BRDT: variants seen among roughly 807,000 people sequenced by gnomAD.
BRDT encodes bromodomain testis associated.
In BRDT, 77 loss-of-function variants were observed where a neutral mutation model predicts 113.9. That is an observed-to-expected ratio of 0.68 (90% CI 0.56 to 0.82). The LOEUF is 0.82. Among genes scored for constraint, BRDT ranks in the 40% least tolerant of loss-of-function variants. BRDT has a pLI of 0.00. For synonymous variants in BRDT, 358 were observed against 366.5 expected (o/e 0.98, Z 0.26); for missense variants, 1,027 against 1,105.4 (o/e 0.93, Z 1.01).
intron 1 of BRDT, among the ~76,000 whole-genome samples, chr1:91,960,506 G>GA (rs1682329726): frequency 6.6e-6 from 1 of 152,192 alleles, no homozygotes; most frequent in African/African-American, 2.4e-5. Flanking sequence ...CATGGCAACA[G>GA]AAAGCAGAAT....
At chr1:91,963,347 G>A (rs1682700362) in intron 2 of BRDT, among the ~76,000 whole-genome samples, 1 of 152,020 alleles carries the variant, frequency 6.6e-6, no homozygotes, top group Non-Finnish European at 1.5e-5. Flanking sequence ...TTTAACAACT[G>A]ATTTATTTAG....
At chr1:91,997,592 C>A (rs1223323609) in intron 15 of BRDT, among the ~76,000 whole-genome samples, 17 of 152,084 alleles carry the variant, frequency 1.1e-4, no homozygotes, top group Admixed American at 1.1e-3. Context: ...TTCTCTTATT[C>A]CTAATTTAAG....
Position 91,980,884 on chromosome 1 carries a change from T to TA in BRDT, c.1461-4dup. 5.6e-6 allele frequency: 9 copies of TA among 1,596,828 alleles called. No homozygotes were observed. Among genetic ancestry groups the TA allele is most frequent in the Non-Finnish European group, 6.8e-6 (8 of 1,174,932 alleles). ...AAGTTGGACTAAATTTAGTTTTTGTTACAGTCAGCCAAAGAAAAGGAAACA... is the reference window on the plus strand; with the variant it reads ...AAGTTGGACTAAATTTAGTTTTTGTTAACAGTCAGCCAAAGAAAAGGAAACA... On this transcript the variant is annotated splice_polypyrimidine_tract_variant and splice_region_variant and intron_variant, in intron 9 of 18. Transcript: ENST00000399546.
chr1:91,962,269 C>A lies in BRDT; in HGVS notation c.-37-449C>A, dbSNP rs200494324. On this transcript the variant is annotated intron_variant, in intron 1 of 18. Coordinates refer to ENST00000399546, the MANE Select transcript of BRDT (RefSeq NM_207189.4). Reference sequence around the variant, plus strand: ...TTTGTATTTGTTTAAAAATTGATTCCTTTGCCATTTGGCTTTTTTTTTTTT... The same window carrying A: ...TTTGTATTTGTTTAAAAATTGATTCATTTGCCATTTGGCTTTTTTTTTTTT... Among the ~76,000 whole-genome samples, 12 of 111,340 alleles carry A rather than the reference C, an allele frequency of 1.1e-4. No homozygotes were observed. The East Asian group carries it at 2.7e-3, about 25-fold the overall frequency. The allele number at this position is 111,340 out of a possible 152,430, so 73.0% of individuals were successfully genotyped here.
chr1:91,978,642 A>C (rs12045408), intron 7 of BRDT, among the ~76,000 whole-genome samples: 3 of 152,158 alleles, frequency 2.0e-5, no homozygotes, highest in South Asian at 4.1e-4. Context: ...TGTCCCACTG[A>C]GGGGACAGTC....
intron 18 of BRDT, among the ~76,000 whole-genome samples, chr1:92,012,539 C>T (rs1687888550): frequency 1.3e-5 from 2 of 152,172 alleles, no homozygotes; most frequent in South Asian, 4.1e-4. Flanking sequence ...TATCCAATGC[C>T]TATATTGGAG....
chr1:91,980,885 ACAGT>A lies in BRDT; in HGVS notation c.1461_1464del (p.Pro489ArgfsTer10). 1 of 1,596,572 alleles carries A rather than the reference ACAGT, an allele frequency of 6.3e-7. No homozygotes were observed. The highest frequency in any genetic ancestry group is 8.5e-7 in the Non-Finnish European group (1 of 1,174,810). On this transcript the variant is annotated splice_acceptor_variant and splice_polypyrimidine_tract_variant and coding_sequence_variant and intron_variant, in exon 10 of 19. Coordinates refer to ENST00000399546, the MANE Select transcript of BRDT (RefSeq NM_207189.4). LOFTEE classifies it high-confidence loss of function. ...AGTTGGACTAAATTTAGTTTTTGTTACAGTCAGCCAAAGAAAAGGAAACAACAGT... is the reference window on the plus strand; with the variant it reads ...AGTTGGACTAAATTTAGTTTTTGTTACAGCCAAAGAAAAGGAAACAACAGT...
At chr1:92,006,782 TTTTTATTTTA>T (rs1304258002) in intron 18 of BRDT, among the ~76,000 whole-genome samples, 3 of 151,856 alleles carry the variant, frequency 2.0e-5, no homozygotes, top group Non-Finnish European at 4.4e-5. Flanking sequence ...TTTATTTTTA[TTTTTATTTTA>T]TTTTATTTTT....
At chr1:91,977,642 G>A (rs887632267) in intron 6 of BRDT, 11 of 245,606 alleles carry the variant, frequency 4.5e-5, no homozygotes, top group African/African-American at 1.1e-4. Flanking sequence ...AGGCCAAGGC[G>A]GGCGGATCAC....
intron 7 of BRDT, 87 bp downstream of exon 7, chr1:91,978,383 T>C (rs1463632207): frequency 1.4e-6 from 2 of 1,466,936 alleles, no homozygotes; most frequent in East Asian, 2.3e-5. Flanking sequence ...AGATAAAGAA[T>C]AATAACTCCT....
At chr1:91,957,953 C>T (rs754085604) in intron 1 of BRDT, among the ~76,000 whole-genome samples, 5 of 152,108 alleles carry the variant, frequency 3.3e-5, no homozygotes, top group Non-Finnish European at 5.9e-5. Context: ...AATTCTTGTG[C>T]CTCAGCCTCC....
At chr1:91,996,285 G>T (rs926082755) in intron 15 of BRDT, among the ~76,000 whole-genome samples, 1 of 152,144 alleles carries the variant, frequency 6.6e-6, no homozygotes, top group African/African-American at 2.4e-5. Flanking sequence ...GTCTCGCCCT[G>T]TTGCCCAGGC....
At chr1:91,967,318 C>T (rs1262406744) in intron 3 of BRDT, among the ~76,000 whole-genome samples, 1 of 151,868 alleles carries the variant, frequency 6.6e-6, no homozygotes, top group South Asian at 2.1e-4. Context: ...CTCACCACAA[C>T]CTCCACCTCC....
rs1157871042 is a variant in BRDT, at chr1:92,004,669, T to A, written c.2594+50T>A. 2.1e-6 allele frequency: 3 copies of A among 1,433,672 alleles called. No individual in the cohort carries two copies. In the South Asian group the frequency reaches 4.3e-5, roughly 21 times the overall value. 88.8% of individuals were successfully genotyped at this position (1,433,672 alleles called of 1,614,324 possible). On this transcript the variant is annotated intron_variant, in intron 17 of 18. Coordinates refer to ENST00000399546, the MANE Select transcript of BRDT (RefSeq NM_207189.4). Reference sequence around the variant, plus strand: ...AGGGTTTGGGAGATATAGAATGTATTTTAAATACATTAAATTTCTTATTTG... The same window carrying A: ...AGGGTTTGGGAGATATAGAATGTATATTAAATACATTAAATTTCTTATTTG...
Position 92,005,127 on chromosome 1 carries a change from G to T in BRDT, c.2603G>T (p.Gly868Val). The T allele has an allele frequency of 6.7e-7, 1 of 1,483,658 alleles. No homozygotes were observed. Among genetic ancestry groups the T allele is most frequent in the Non-Finnish European group, 8.9e-7 (1 of 1,120,914 alleles). The allele number at this position is 1,483,658 out of a possible 1,614,324, so 91.9% of individuals were successfully genotyped here. A position where few individuals can be genotyped will look rare whatever the true frequency, so the allele number is the denominator to read the frequency against. ...TACTTTTTTTCTTTAAGGGATCTTG[G>T]GAATGGATTGACTGTAGAATCTTTT... ...KASQENQRDL[G>V]NGLTVESFSN... is the part of the protein sequence containing the mutation. The change falls in exon 18 of 19, where the codon GGG becomes GTG. Residue 868 changes from glycine (G) to valine (V), a missense_variant. Transcript: ENST00000399546.
At chr1:91,999,088 A>C (rs1429760413) in intron 15 of BRDT, among the ~76,000 whole-genome samples, 1 of 152,140 alleles carries the variant, frequency 6.6e-6, no homozygotes, top group African/African-American at 2.4e-5. Context: ...AGACCAGAGA[A>C]GGGAAGGAGA....
chr1:91,971,527 T>C (rs1266708676), intron 4 of BRDT, among the ~76,000 whole-genome samples: 1 of 152,238 alleles, frequency 6.6e-6, no homozygotes, highest in Non-Finnish European at 1.5e-5. Context: ...GTTACGTACA[T>C]GTTGATAATT....
intron 5 of BRDT, among the ~76,000 whole-genome samples, 171 bp downstream of exon 5, chr1:91,976,609 A>G (rs1423661821): frequency 6.6e-6 from 1 of 152,180 alleles, no homozygotes; most frequent in Non-Finnish European, 1.5e-5. Context: ...ATGAATAGAC[A>G]CCTAAGAGGC....
Position 91,980,949 on chromosome 1 carries a change from T to C in BRDT, c.1521T>C (p.Ala507=). The C allele has an allele frequency of 2.5e-6, 4 of 1,613,994 alleles. 1 individual carries two copies. Among genetic ancestry groups the C allele is most frequent in the South Asian group, 2.2e-5 (2 of 91,032 alleles). Residue 507 remains alanine (A), a synonymous_variant, in exon 10 of 19, where the codon GCT becomes GCC. Transcript: ENST00000399546. The stretch of plus-strand genomic sequence containing the variant: ...TAAAATCTGAAGATGAAGATAATGC[T>C]AAACCTATGAACTATGATGAGAAAA... The part of the protein sequence containing the change: ...IGLKSEDEDN[A]KPMNYDEKRQ...
Sources: allele counts gnomAD v4.1 joint callset (sites outside exome capture counted in the v4.1 genomes callset), GRCh38; gene constraint gnomAD v4.1.1; transcripts MANE v1.5; gene names NCBI Gene and HGNC (gene_info 2026-07-23, HGNC 2026-07-21).